KDM3A: variants seen among roughly 807,000 people sequenced by gnomAD.
The protein encoded by KDM3A is lysine-specific demethylase 3A.
A neutral mutation model predicts 158.0 loss-of-function variants in KDM3A; 60 were observed. That is an observed-to-expected ratio of 0.38 (90% CI 0.31 to 0.47). KDM3A has a LOEUF of 0.47. Among genes scored for constraint, KDM3A ranks in the 20% least tolerant of loss-of-function variants. KDM3A has a pLI of 0.99. For missense variants in KDM3A, 1,319 were observed against 1,574.3 expected, an observed-to-expected ratio of 0.84 and a Z score of 2.74; for synonymous variants, 608 against 549.3, an observed-to-expected ratio of 1.11 and a Z score of -1.49.
chr2:86,477,757 C>G (rs72930400), intron 12 of KDM3A, 120 bp from the exon 13 acceptor site: 124,136 of 921,206 alleles, frequency 0.13, 9,521 homozygotes, highest in Non-Finnish European at 0.16. Flanking sequence ...TGCAATGAAG[C>G]CTGAACAAAG....
intron 8 of KDM3A, 101 bp from the exon 9 acceptor site, chr2:86,463,952 T>C (rs772918337): frequency 3.3e-5 from 26 of 786,138 alleles, no homozygotes; most frequent in Non-Finnish European, 3.4e-5. Context: ...AATGGTATTA[T>C]GTTTGTTTAG....
chr2:86,463,664 C>T (rs566924819), intron 8 of KDM3A, among the ~76,000 whole-genome samples: 6 of 152,206 alleles, frequency 3.9e-5, no homozygotes, highest in South Asian at 2.1e-4. Context: ...GCAGTAAGTG[C>T]GTGGTGGGCA....
At chr2:86,489,780 A>T in intron 23 of KDM3A, 121 bp downstream of exon 23, 2 of 1,059,672 alleles carry the variant, frequency 1.9e-6, no homozygotes, top group Middle Eastern at 4.3e-4. Flanking sequence ...TTAAATCTGT[A>T]CCTGTCAGAT....
intron 2 of KDM3A, among the ~76,000 whole-genome samples, chr2:86,447,892 A>G (rs1370009994): frequency 6.6e-6 from 1 of 152,168 alleles, no homozygotes; most frequent in Non-Finnish European, 1.5e-5. Flanking sequence ...CTGTCTACCT[A>G]AAGCTTGGTT....
chr2:86,473,014 TC>T (rs551687313), intron 11 of KDM3A, among the ~76,000 whole-genome samples: 47 of 152,364 alleles, frequency 3.1e-4, no homozygotes, highest in African/African-American at 1.0e-3. Context: ...AAACTCATAG[TC>T]AGCAGTCAGC....
At chr2:86,440,674 C>T (rs1682650682), upstream of KDM3A, 1 of 152,266 alleles carries the variant, frequency 6.6e-6, no homozygotes, top group Admixed American at 6.5e-5. Context: ...CGCCTTTCTT[C>T]ATTTATCCTT....
chr2:86,455,565 T>C (rs1301450442), intron 5 of KDM3A, among the ~76,000 whole-genome samples: 2 of 152,118 alleles, frequency 1.3e-5, no homozygotes, highest in Non-Finnish European at 2.9e-5. Context: ...AATAAATTTT[T>C]AAGAAATTTA....
At position 86,491,051 on chromosome 2, in the gene KDM3A, A is replaced by G; in HGVS notation, c.3744A>G (p.Pro1248=). The change falls in exon 24 of 26, where the codon CCA becomes CCG. Residue 1248 remains proline, a synonymous_variant. Coordinates refer to ENST00000312912, the MANE Select transcript of KDM3A (RefSeq NM_018433.6). ...GDVVFIPAGA[P]HQVHNLYSCI... ...TGGTGTTTATCCCGGCAGGAGCTCC[A>G]CATCAGGCAAGAATCATTACTTTTT... 1.9e-6 allele frequency: 3 copies of G among 1,613,658 alleles called. No homozygotes were observed. The highest frequency in any genetic ancestry group is 2.5e-6 in the Non-Finnish European group (3 of 1,179,788).
At chr2:86,473,859 C>A (rs532119724) in intron 11 of KDM3A, among the ~76,000 whole-genome samples, 14 of 152,314 alleles carry the variant, frequency 9.2e-5, no homozygotes, top group Non-Finnish European at 1.8e-4. Flanking sequence ...AACAAATGTT[C>A]TGCCCTTTGT....
chr2:86,478,558 G>A (rs1193134139), intron 14 of KDM3A, 50 bp from the exon 15 acceptor site: 1 of 1,600,818 alleles, frequency 6.2e-7, no homozygotes, highest in South Asian at 1.1e-5. Flanking sequence ...TGTTGAGGTT[G>A]AAAGTTCCTA....
chr2:86,460,316 G>A (rs1344805991), intron 8 of KDM3A, among the ~76,000 whole-genome samples: 2 of 152,074 alleles, frequency 1.3e-5, no homozygotes, highest in South Asian at 2.1e-4. Context: ...ATCGGTAAAT[G>A]TCTTTCGTTC....
At chr2:86,473,711 T>C (rs979961201) in intron 11 of KDM3A, among the ~76,000 whole-genome samples, 1 of 152,160 alleles carries the variant, frequency 6.6e-6, no homozygotes, top group Non-Finnish European at 1.5e-5. Flanking sequence ...ATCATACCAC[T>C]GTACTCCAGC....
At chr2:86,481,834 G>T in intron 16 of KDM3A, 96 bp from the exon 17 acceptor site, 1 of 923,430 alleles carries the variant, frequency 1.1e-6, no homozygotes. Context: ...TCAGTAAATA[G>T]AAAGCAAGTT....
intron 2 of KDM3A, 138 bp downstream of exon 2, chr2:86,442,371 C>T: frequency 2.5e-6 from 2 of 799,618 alleles, no homozygotes; most frequent in Non-Finnish European, 3.9e-6. Flanking sequence ...GAAGCTAGAT[C>T]TTGAAAGTCT....
At chr2:86,481,019 G>A (rs1055586864) in intron 16 of KDM3A, among the ~76,000 whole-genome samples, 5 of 152,040 alleles carry the variant, frequency 3.3e-5, no homozygotes, top group African/African-American at 7.2e-5. Context: ...GCAAGTGGCC[G>A]GAAAAGAATT....
intron 11 of KDM3A, among the ~76,000 whole-genome samples, chr2:86,470,823 C>T (rs987884913): frequency 1.3e-5 from 2 of 152,176 alleles, no homozygotes; most frequent in African/African-American, 4.8e-5. Context: ...ACCTCTTGAT[C>T]ATAACCTTTT....
chr2:86,453,772 A>G (rs558105497), intron 4 of KDM3A, among the ~76,000 whole-genome samples: 2 of 152,334 alleles, frequency 1.3e-5, no homozygotes, highest in South Asian at 4.1e-4. Context: ...TTGGCAAAAG[A>G]AATACATTTT....
chr2:86,485,762 C>G lies in KDM3A; in HGVS notation c.3216C>G (p.Pro1072=). 2 of 1,614,042 alleles carry G rather than the reference C, an allele frequency of 1.2e-6. No individual in the cohort carries two copies. The highest frequency in any genetic ancestry group is 1.7e-6 in the Non-Finnish European group (2 of 1,179,974). The stretch of plus-strand genomic sequence containing the variant: ...ATCTGATGGCCAACATTCCACTGCC[C>G]GAGTACACAAGGCGAGATGGCAAAC... ...FDDLMANIPL[P]EYTRRDGKLN... The change falls in exon 21 of 26, where the codon CCC becomes CCG. Residue 1072 remains proline, a synonymous_variant. Coordinates refer to ENST00000312912, the MANE Select transcript of KDM3A (RefSeq NM_018433.6).
Position 86,491,241 on chromosome 2 carries a change from C to T in KDM3A, c.3851C>T (p.Ser1284Leu), listed in dbSNP as rs1293928180. ...FWLTQEFRYL[S>L]QTHTNHEDKL... ...CTTACTCAGGAATTCCGATATCTGT[C>T]ACAGACTCATACCAATCACGAAGAT... The change falls in exon 25 of 26, where the codon TCA becomes TTA. Residue 1284 changes from serine (S) to leucine (L), a missense_variant. Physicochemically the swap from Ser to Leu is moderately radical, Grantham distance 145 (BLOSUM62 -2). Around this residue, in one of 4 missense-constraint regions of KDM3A, gnomAD observed 186 missense variants for 340.9 expected, o/e 0.55. Coordinates refer to ENST00000312912, the MANE Select transcript of KDM3A (RefSeq NM_018433.6). 1 of 1,613,776 alleles carries T rather than the reference C, an allele frequency of 6.2e-7. No homozygotes were observed. Among genetic ancestry groups the T allele is most frequent in the Non-Finnish European group, 8.5e-7 (1 of 1,179,742 alleles).
Sources: allele counts gnomAD v4.1 joint callset (sites outside exome capture counted in the v4.1 genomes callset), GRCh38; gene constraint gnomAD v4.1.1; regional missense constraint gnomAD v4.1.1; transcripts MANE v1.5; gene names NCBI Gene and HGNC (gene_info 2026-07-23, HGNC 2026-07-21).